KIAA1217: variants seen among roughly 807,000 people sequenced by gnomAD.
KIAA1217 encodes sickle tail protein homolog.
A neutral mutation model predicts 163.9 loss-of-function variants in KIAA1217; 88 were observed. The observed-to-expected ratio is 0.54, with a 90% CI of 0.45 to 0.64. KIAA1217 has a LOEUF of 0.64. KIAA1217 is among the 30% of genes least tolerant of loss of function. KIAA1217 has a pLI of 0.00. For missense variants in KIAA1217, 2,372 were observed against 2,475.0 expected (o/e 0.96, Z 0.88); for synonymous variants, 903 against 923.1 (o/e 0.98, Z 0.39).
rs1835727493 is a variant in KIAA1217, at chr10:23,790,235, G to GCATATGCA, written c.-321+95010_-321+95017dup. On this transcript the variant is annotated intron_variant, in intron 1 of 18. Coordinates refer to the KIAA1217 transcript ENST00000376462. ...TATACACATATGCATATGCACATAT[G>GCATATGCA]CATATGCACATATGCATATGCACAT... Among the ~76,000 whole-genome samples the GCATATGCA allele has an allele frequency of 3.6e-5, 4 of 111,844 alleles. 2 individuals carry two copies. The highest frequency in any genetic ancestry group is 1.7e-4 in the African/African-American group (4 of 23,600). 73.4% of individuals were successfully genotyped at this position (111,844 alleles called of 152,430 possible).
At chr10:24,218,050 T>A (rs571923694) in intron 1 of KIAA1217, among the ~76,000 whole-genome samples, 1 of 152,358 alleles carries the variant, frequency 6.6e-6, no homozygotes, top group South Asian at 2.1e-4. Context: ...AACATTATTC[T>A]GCCTATATCA....
intron 2 of KIAA1217, among the ~76,000 whole-genome samples, chr10:24,285,843 T>C (rs988355140): frequency 2.0e-5 from 3 of 152,180 alleles, no homozygotes; most frequent in Non-Finnish European, 2.9e-5. Context: ...ATGGAATGTT[T>C]TTCCATTTGC....
At chr10:23,926,032 G>A (rs117400752) in intron 1 of KIAA1217, among the ~76,000 whole-genome samples, 213 of 152,186 alleles carry the variant, frequency 1.4e-3, no homozygotes, top group African/African-American at 4.8e-3. Context: ...TGTGGTCCTC[G>A]ATCCAGGCAG....
In KIAA1217 at chr10:24,313,113, G is replaced by A. The variant is rs145039019; in HGVS notation, c.355-67756G>A. 5.9e-3 allele frequency among the ~76,000 whole-genome samples: 891 copies of A among 152,218 alleles called. 5 individuals are homozygous for A. The highest frequency in any genetic ancestry group is 0.02 in the African/African-American group (851 of 41,526). ...AATAAGACATGAAGGGAAATTTAGC[G>A]TCACTGATGGTATCCTTCTCTCTCC... On this transcript the variant is annotated intron_variant, in intron 2 of 20. Transcript: ENST00000376454.
intron 2 of KIAA1217, among the ~76,000 whole-genome samples, chr10:24,235,697 C>T (rs2072139369): frequency 6.6e-6 from 1 of 152,156 alleles, no homozygotes; most frequent in South Asian, 2.1e-4. Flanking sequence ...ATACAGCCTG[C>T]AGCTAAATAC....
chr10:23,716,101 A>G (rs78158804), intron 1 of KIAA1217, among the ~76,000 whole-genome samples: 1,911 of 152,314 alleles, frequency 0.013, 33 homozygotes, highest in African/African-American at 0.044. Context: ...CTAACGCTGC[A>G]TGCAAGAGAT....
intron 3 of KIAA1217, among the ~76,000 whole-genome samples, chr10:24,406,973 G>A (rs925438042): frequency 5.9e-5 from 9 of 152,130 alleles, no homozygotes; most frequent in Non-Finnish European, 1.3e-4. Context: ...CCTGTCACTG[G>A]GTGAGCGCAG....
intron 2 of KIAA1217, among the ~76,000 whole-genome samples, chr10:24,300,823 GT>G (rs1245247066): frequency 1.3e-5 from 2 of 151,870 alleles, no homozygotes; most frequent in East Asian, 3.9e-4. Context: ...CTGTTTGTTT[GT>G]TTATTGAGAC....
chr10:24,531,236 A>G (rs1675041774), intron 14 of KIAA1217, among the ~76,000 whole-genome samples: 1 of 152,128 alleles, frequency 6.6e-6, no homozygotes, highest in South Asian at 2.1e-4. Context: ...TTGTTTAATT[A>G]AAAAAATCAA....
intron 9 of KIAA1217, 31 bp from the exon 10 acceptor site, chr10:24,513,228 C>T (rs776260425): frequency 3.7e-6 from 6 of 1,607,850 alleles, no homozygotes; most frequent in South Asian, 2.2e-5. Context: ...GCAGGCAGAG[C>T]CCACTGAGGT....
At chr10:23,974,444 C>A (rs1489883113) in intron 1 of KIAA1217, among the ~76,000 whole-genome samples, 1 of 152,134 alleles carries the variant, frequency 6.6e-6, no homozygotes, top group Non-Finnish European at 1.5e-5. Flanking sequence ...TTTTCTTCTA[C>A]AAATGCGGTT....
At chr10:24,040,086 C>G (rs1848568548) in intron 2 of KIAA1217, among the ~76,000 whole-genome samples, 1 of 152,210 alleles carries the variant, frequency 6.6e-6, no homozygotes, top group Non-Finnish European at 1.5e-5. Context: ...TGTCAAGATG[C>G]AGTCACACTT....
intron 3 of KIAA1217, among the ~76,000 whole-genome samples, chr10:24,430,006 TG>T (rs2059467268): frequency 6.6e-6 from 1 of 151,842 alleles, no homozygotes; most frequent in African/African-American, 2.4e-5. Flanking sequence ...ATTAGCTGGG[TG>T]TAGTGGTTCT....
chr10:24,494,443 G>T (rs557976792), intron 6 of KIAA1217, 57 bp from the exon 7 acceptor site: 1 of 1,449,338 alleles, frequency 6.9e-7, no homozygotes, highest in South Asian at 1.1e-5. Flanking sequence ...GCATTCACCC[G>T]GACAAACTGG....
At chr10:24,125,938 A>C (rs2063458451) in intron 2 of KIAA1217, among the ~76,000 whole-genome samples, 1 of 152,066 alleles carries the variant, frequency 6.6e-6, no homozygotes, top group Non-Finnish European at 1.5e-5. Flanking sequence ...TTGGTAGCTA[A>C]CTTGTGTTTT....
intron 1 of KIAA1217, among the ~76,000 whole-genome samples, chr10:23,755,717 T>G (rs1833886997): frequency 6.6e-6 from 1 of 152,210 alleles, no homozygotes; most frequent in African/African-American, 2.4e-5. Context: ...AATAAGAAGT[T>G]TGACTGTGCT....
intron 1 of KIAA1217, among the ~76,000 whole-genome samples, chr10:23,843,988 C>T (rs1196368461): frequency 2.0e-5 from 3 of 152,138 alleles, no homozygotes; most frequent in Non-Finnish European, 4.4e-5. Flanking sequence ...TCTGCTTTAA[C>T]CTTTCTAGAG....
At chr10:24,535,468 T>C (rs1252763489) in intron 16 of KIAA1217, among the ~76,000 whole-genome samples, 2 of 152,218 alleles carry the variant, frequency 1.3e-5, no homozygotes, top group Non-Finnish European at 2.9e-5. Context: ...TTATTTAGGC[T>C]GATTCATTTA....
At chr10:24,052,950 G>C (rs941647089) in intron 2 of KIAA1217, among the ~76,000 whole-genome samples, 3 of 152,054 alleles carry the variant, frequency 2.0e-5, no homozygotes, top group Admixed American at 2.0e-4. Flanking sequence ...GGGTAGGAGA[G>C]GCATCTGAGA....
Sources: gnomAD v4.1 joint callset for allele counts (sites outside exome capture counted in the v4.1 genomes callset) on GRCh38, gnomAD v4.1.1 for gene constraint, MANE v1.5 for transcripts, NCBI Gene and HGNC (gene_info 2026-07-23, HGNC 2026-07-21) for gene names.